Variants in USH2A observed in about 807,000 individuals in gnomAD.
USH2A encodes the protein Usher syndrome 2A (autosomal recessive, mild).
A neutral mutation model predicts 538.9 loss-of-function variants in USH2A; 443 were observed. The observed-to-expected ratio is 0.82, with a 90% CI of 0.76 to 0.89. The LOEUF is 0.89. Ranked by LOEUF, USH2A falls within the 40% of genes least tolerant of loss-of-function variation. The pLI is 0.00. For synonymous variants in USH2A, 2,413 were observed against 2,273.5 expected, an observed-to-expected ratio of 1.06 and a Z score of -1.75; for missense variants, 6,633 against 6,324.8, an observed-to-expected ratio of 1.05 and a Z score of -1.65.
At chr1:216,194,892 A>G (rs2034803749) in intron 19 of USH2A, among the ~76,000 whole-genome samples, 1 of 152,148 alleles carries the variant, frequency 6.6e-6, no homozygotes, top group South Asian at 2.1e-4. Flanking sequence ...GTACAGGCAG[A>G]TGAGCCACTT....
chr1:216,138,658 GA>G (rs2033536583), intron 21 of USH2A, among the ~76,000 whole-genome samples: 1 of 151,808 alleles, frequency 6.6e-6, no homozygotes, highest in East Asian at 1.9e-4. Flanking sequence ...ATTTTTATTT[GA>G]CTCTGTTCTA....
chr1:215,685,216 T>C lies in USH2A; in HGVS notation c.12067-4840A>G, dbSNP rs1658378468. On this transcript the variant is annotated intron_variant, in intron 61 of 71. Coordinates refer to ENST00000307340, the MANE Select transcript of USH2A (RefSeq NM_206933.4). ...CTAGATTTTTGAAAGCCAGATAATT[T>C]GAGGCGTGGATTCTGCAGGACGATT... Among the ~76,000 whole-genome samples, 3 of 152,060 alleles carry C rather than the reference T, an allele frequency of 2.0e-5. No homozygotes were observed. In the South Asian group the frequency reaches 6.2e-4, roughly 31 times the overall value.
intron 41 of USH2A, among the ~76,000 whole-genome samples, chr1:215,886,077 G>A (rs571374150): frequency 6.6e-6 from 1 of 152,128 alleles, no homozygotes; most frequent in Non-Finnish European, 1.5e-5. Flanking sequence ...CTCATGTACT[G>A]ATGTTCCGTA....
rs968383208 is a variant in USH2A, at chr1:215,685,320, A to C, written c.12067-4944T>G. ...TATTTATGTCTAATACTATTTTGCAAAATTCAAATCAGTTTTTTTTTTTTG... is the reference window on the plus strand; with the variant it reads ...TATTTATGTCTAATACTATTTTGCACAATTCAAATCAGTTTTTTTTTTTTG... On this transcript the variant is annotated intron_variant, in intron 61 of 71. Coordinates refer to ENST00000307340, the MANE Select transcript of USH2A (RefSeq NM_206933.4). 1.1e-4 allele frequency among the ~76,000 whole-genome samples: 16 copies of C among 142,444 alleles called. 1 individual carries two copies. The highest frequency in any genetic ancestry group is 2.4e-4 in the Non-Finnish European group (16 of 65,936). The allele number at this position is 142,444 out of a possible 152,430, so 93.4% of individuals were successfully genotyped here.
At chr1:216,356,575 G>A (rs143452513) in intron 4 of USH2A, among the ~76,000 whole-genome samples, 2 of 151,786 alleles carry the variant, frequency 1.3e-5, no homozygotes, top group African/African-American at 2.4e-5. Context: ...ATAGAATTTT[G>A]TACTATACAA....
intron 23 of USH2A, 61 bp downstream of exon 23, chr1:216,088,952 G>A (rs2102565080): frequency 6.2e-7 from 1 of 1,603,792 alleles, no homozygotes; most frequent in African/African-American, 1.3e-5. Flanking sequence ...ATAAACAACA[G>A]AAAAGTATGG....
chr1:216,225,859 T>G (rs2035550170), intron 14 of USH2A, among the ~76,000 whole-genome samples: 1 of 152,138 alleles, frequency 6.6e-6, no homozygotes, highest in South Asian at 2.1e-4. Flanking sequence ...CACGAGGGAC[T>G]TGCAAGCGTA....
At chr1:216,005,527 G>A (rs1335309330) in intron 32 of USH2A, among the ~76,000 whole-genome samples, 2 of 152,088 alleles carry the variant, frequency 1.3e-5, no homozygotes, top group Non-Finnish European at 2.9e-5. Context: ...AAATGAATGA[G>A]CAAGACCAGA....
At chr1:215,907,338 C>T (rs924012065) in intron 38 of USH2A, among the ~76,000 whole-genome samples, 6 of 151,998 alleles carry the variant, frequency 3.9e-5, no homozygotes, top group South Asian at 2.1e-4. Context: ...TGGTACCATT[C>T]GTGGGCTAGA....
intron 11 of USH2A, among the ~76,000 whole-genome samples, chr1:216,275,730 C>T (rs1490202732): frequency 6.6e-6 from 1 of 152,026 alleles, no homozygotes; most frequent in Non-Finnish European, 1.5e-5. Flanking sequence ...AAGGGAGGTA[C>T]ATTAAGTCTC....
chr1:215,638,377 T>C (rs1484992525), intron 69 of USH2A, among the ~76,000 whole-genome samples: 3 of 152,146 alleles, frequency 2.0e-5, no homozygotes, highest in Admixed American at 1.3e-4. Context: ...TCCAACACTT[T>C]GGGAGGCCAA....
chr1:216,260,252 G>A (rs1009632130), intron 11 of USH2A, among the ~76,000 whole-genome samples: 2 of 152,130 alleles, frequency 1.3e-5, no homozygotes, highest in Admixed American at 1.3e-4. Flanking sequence ...AATAAATATT[G>A]ACAACATTCT....
intron 22 of USH2A, among the ~76,000 whole-genome samples, chr1:216,092,135 G>C (rs1447822648): frequency 6.6e-6 from 1 of 152,174 alleles, no homozygotes; most frequent in African/African-American, 2.4e-5. Flanking sequence ...CTTCAGTTAT[G>C]AGTAGTAGTA....
intron 64 of USH2A, among the ~76,000 whole-genome samples, chr1:215,658,947 A>T (rs558487493): frequency 1.3e-5 from 2 of 152,356 alleles, no homozygotes; most frequent in African/African-American, 2.4e-5. Context: ...TCCGTGAAGG[A>T]TAGTAAATTA....
intron 32 of USH2A, among the ~76,000 whole-genome samples, chr1:216,010,918 C>T (rs1392247119): frequency 6.6e-6 from 1 of 152,056 alleles, no homozygotes; most frequent in Non-Finnish European, 1.5e-5. Flanking sequence ...CTACTCCCTC[C>T]TTGGCGACGG....
chr1:216,251,993 A>C (rs531120057), intron 11 of USH2A, among the ~76,000 whole-genome samples: 2 of 152,286 alleles, frequency 1.3e-5, no homozygotes, highest in Admixed American at 1.3e-4. Flanking sequence ...ATTTCACCAC[A>C]TTAAATATAC....
intron 21 of USH2A, among the ~76,000 whole-genome samples, chr1:216,173,147 A>C (rs568666939): frequency 3.0e-4 from 46 of 152,292 alleles, no homozygotes; most frequent in African/African-American, 1.1e-3. Context: ...CTATTTAGGA[A>C]AGATGCAAGT....
chr1:215,658,694 A>G (rs1437093411), intron 64 of USH2A, among the ~76,000 whole-genome samples: 1 of 152,344 alleles, frequency 6.6e-6, no homozygotes, highest in East Asian at 1.9e-4. Flanking sequence ...AAACTATCAC[A>G]AACAACGTGA....
intron 40 of USH2A, among the ~76,000 whole-genome samples, chr1:215,897,705 G>C (rs12410843): frequency 1.4e-5 from 2 of 138,168 alleles, no homozygotes; most frequent in East Asian, 4.1e-4. Context: ...TGAAGGAAAG[G>C]AAGAAAAGAA....
Sources: gnomAD v4.1 joint callset for allele counts (sites outside exome capture counted in the v4.1 genomes callset) on GRCh38, gnomAD v4.1.1 for gene constraint, MANE v1.5 for transcripts, NCBI Gene and HGNC (gene_info 2026-07-23, HGNC 2026-07-21) for gene names.